Variants in CFAP54 observed in about 807,000 individuals in gnomAD.
The protein encoded by CFAP54 is cilia and flagella associated protein 54, also known as cilia- and flagella-associated protein 54.
CFAP54 carries 290 observed loss-of-function variants against 370.4 expected under a neutral mutation model. The observed-to-expected ratio is 0.78, with a 90% CI of 0.71 to 0.86. The LOEUF (loss-of-function observed/expected upper bound fraction) is 0.86. Among genes scored for constraint, CFAP54 ranks in the 40% least tolerant of loss-of-function variants. CFAP54 has a pLI of 0.00. For missense variants in CFAP54, 3,399 were observed against 3,528.7 expected (o/e 0.96, Z 0.93); for synonymous variants, 1,206 against 1,236.5 (o/e 0.98, Z 0.52).
intron 19 of CFAP54, among the ~76,000 whole-genome samples, chr12:96,576,281 T>C (rs956013761): frequency 4.6e-5 from 7 of 151,950 alleles, no homozygotes; most frequent in African/African-American, 1.7e-4. Flanking sequence ...TGAAATGTGG[T>C]AGATATTCAA....
intron 59 of CFAP54, among the ~76,000 whole-genome samples, chr12:96,764,487 G>A (rs538508401): frequency 1.3e-5 from 2 of 152,230 alleles, no homozygotes; most frequent in Non-Finnish European, 2.9e-5. Flanking sequence ...GCTGGGCATG[G>A]TGGCATGCCT....
At chr12:96,812,378 A>G (rs930764760) in intron 64 of CFAP54, among the ~76,000 whole-genome samples, 1 of 152,086 alleles carries the variant, frequency 6.6e-6, no homozygotes, top group Admixed American at 6.6e-5. Context: ...CCTCTCCATC[A>G]AACAGGTCAT....
At chr12:96,632,030 G>A (rs1177782190) in intron 32 of CFAP54, among the ~76,000 whole-genome samples, 1 of 151,370 alleles carries the variant, frequency 6.6e-6, no homozygotes, top group East Asian at 1.9e-4. Context: ...TCACATTTTT[G>A]TGGAACTATG....
rs912738893 is a variant in CFAP54 at position 96,594,364 on chromosome 12, A to G, written c.3434A>G (p.Tyr1145Cys). ...ELSNFLNDSS[Y>C]ALQAVTQCYG... The stretch of plus-strand genomic sequence containing the variant: ...AGCAACTTCCTAAATGATTCCAGCT[A>G]TGCCCTTCAAGCTGTGACTCAATGT... Residue 1145 changes from tyrosine to cysteine, a missense_variant, in exon 25 of 68, where the codon TAT becomes TGT. Tyr to Cys is a radical substitution (Grantham distance 194). This residue lies in a region of CFAP54 where 2,796 missense variants were observed against 2,869.7 expected (regional missense o/e 0.97). Coordinates refer to ENST00000524981, the MANE Select transcript of CFAP54 (RefSeq NM_001306084.2). The G allele has an allele frequency of 5.2e-6, 8 of 1,534,136 alleles. No homozygotes were observed. The African/African-American group carries it at 5.5e-5, about 11-fold the overall frequency.
At chr12:96,492,633 C>T (rs886941516) in intron 1 of CFAP54, among the ~76,000 whole-genome samples, 1 of 152,196 alleles carries the variant, frequency 6.6e-6, no homozygotes, top group African/African-American at 2.4e-5. Context: ...GTATTTCTGG[C>T]ACTTAGCCTG....
chr12:96,593,706 A>G (rs879665601), intron 24 of CFAP54, among the ~76,000 whole-genome samples: 1 of 152,064 alleles, frequency 6.6e-6, no homozygotes, highest in Non-Finnish European at 1.5e-5. Flanking sequence ...ATATAGAAAA[A>G]TAATGAAATC....
rs1011815540 is a variant in CFAP54, at chr12:96,632,936, C to T, written c.4316+2285C>T. 4.6e-5 allele frequency among the ~76,000 whole-genome samples: 7 copies of T among 151,960 alleles called. No individual in the cohort carries two copies. In the South Asian group the frequency reaches 6.2e-4, roughly 14 times the overall value. Reference sequence around the variant, plus strand: ...AAATTTCTATGATTTTCTCCATAACCGCGTTATATATCTTTTGTTAGATAC... The same window carrying T: ...AAATTTCTATGATTTTCTCCATAACTGCGTTATATATCTTTTGTTAGATAC... On this transcript the variant is annotated intron_variant, in intron 32 of 67. Coordinates refer to ENST00000524981, the MANE Select transcript of CFAP54 (RefSeq NM_001306084.2).
intron 1 of CFAP54, among the ~76,000 whole-genome samples, chr12:96,491,939 T>C (rs149318569): frequency 4.6e-5 from 7 of 152,262 alleles, no homozygotes; most frequent in Middle Eastern, 3.4e-3. Flanking sequence ...TTTGTATTTT[T>C]AGTAGAGATG....
intron 22 of CFAP54, among the ~76,000 whole-genome samples, chr12:96,584,169 T>TAA (rs11458285): frequency 0.021 from 3,103 of 149,284 alleles, 61 homozygotes; most frequent in East Asian, 0.12. Flanking sequence ...TTCATTCAAA[T>TAA]AAAAAAAAAA....
chr12:96,609,332 G>C (rs1176168048), intron 26 of CFAP54, among the ~76,000 whole-genome samples: 1 of 152,094 alleles, frequency 6.6e-6, no homozygotes, highest in Non-Finnish European at 1.5e-5. Context: ...GCAAGGTAAA[G>C]GAGACAAATA....
At chr12:96,684,608 A>G in intron 40 of CFAP54, 40 bp from the exon 41 acceptor site, 1 of 1,500,928 alleles carries the variant, frequency 6.7e-7, no homozygotes, top group Non-Finnish European at 9.1e-7. Context: ...ATATTTTTCT[A>G]GGAACTGACA....
chr12:96,649,197 A>G (rs549817251), intron 34 of CFAP54, among the ~76,000 whole-genome samples: 3 of 152,296 alleles, frequency 2.0e-5, no homozygotes, highest in South Asian at 4.2e-4. Context: ...TTCTTCTAGG[A>G]TATAGATTAG....
intron 66 of CFAP54, among the ~76,000 whole-genome samples, chr12:96,833,506 ACGTG>A (rs574549759): frequency 0.13 from 12,353 of 96,114 alleles, 670 homozygotes; most frequent in Admixed American, 0.23. Flanking sequence ...ACACACGCGT[ACGTG>A]TGTGTGTGTG....
In CFAP54 at chr12:96,793,413, C is replaced by CGT. The variant is rs1555332156; in HGVS notation, c.8850+914_8850+915insGT. On this transcript the variant is annotated intron_variant, in intron 63 of 67. Transcript: ENST00000524981. ...TAGTATTCCATGGTGTGTATGTGTGCATATGTATATATCACATTTTCTTTA... is the reference window on the plus strand; with the variant it reads ...TAGTATTCCATGGTGTGTATGTGTGCGTATATGTATATATCACATTTTCTTTA... 2.0e-5 allele frequency among the ~76,000 whole-genome samples: 3 copies of CGT among 151,834 alleles called. No homozygotes were observed. The East Asian group carries it at 5.8e-4, about 29-fold the overall frequency.
intron 32 of CFAP54, among the ~76,000 whole-genome samples, chr12:96,643,907 G>C (rs768886988): frequency 6.6e-6 from 1 of 152,096 alleles, no homozygotes; most frequent in Non-Finnish European, 1.5e-5. Context: ...AAAAATAAAA[G>C]CTCTGGTTGG....
chr12:96,589,409 A>G lies in CFAP54; in HGVS notation c.3076-18A>G. ...TCACGAATAAAACTATTACATAAAT[A>G]TGTGCTTTTTGTTATAGGTTGCCTA... On this transcript the variant is annotated intron_variant, in intron 22 of 67. Transcript: ENST00000524981. 1 of 1,505,170 alleles carries G rather than the reference A, an allele frequency of 6.6e-7. No homozygotes were observed. The highest frequency in any genetic ancestry group is 8.9e-7 in the Non-Finnish European group (1 of 1,123,106). 93.2% of individuals were successfully genotyped at this position (1,505,170 alleles called of 1,614,324 possible).
chr12:96,504,998 C>CTTTCTT, intron 3 of CFAP54, among the ~76,000 whole-genome samples: 1 of 95,676 alleles, frequency 1.0e-5, no homozygotes, highest in Non-Finnish European at 2.2e-5. Context: ...CTTTCTTTTT[C>CTTTCTT]TTTCTTTCTT....
At position 96,725,177 on chromosome 12, in the gene CFAP54, A is replaced by G. The variant is rs534527485; in HGVS notation, c.6965+4612A>G. On this transcript the variant is annotated intron_variant, in intron 50 of 67. Coordinates refer to ENST00000524981, the MANE Select transcript of CFAP54 (RefSeq NM_001306084.2). ...GATGCGGGCTCTTTTTTGGTTCCAT[A>G]TGAACTTTAAAGTAATTTTTTCCAA... Among the ~76,000 whole-genome samples the G allele has an allele frequency of 1.7e-3, 264 of 152,070 alleles. 1 individual carries two copies. Among genetic ancestry groups the G allele is most frequent in the Middle Eastern group, 0.017 (5 of 292 alleles).
intron 17 of CFAP54, among the ~76,000 whole-genome samples, chr12:96,558,698 T>A (rs932719884): frequency 1.3e-5 from 2 of 151,818 alleles, no homozygotes; most frequent in Non-Finnish European, 2.9e-5. Flanking sequence ...ACTAGACCCC[T>A]CTCTCTCTCA....
Sources: allele counts gnomAD v4.1 joint callset (sites outside exome capture counted in the v4.1 genomes callset), GRCh38; gene constraint gnomAD v4.1.1; regional missense constraint gnomAD v4.1.1; transcripts MANE v1.5; gene names NCBI Gene and HGNC (gene_info 2026-07-23, HGNC 2026-07-21).